Variants in COL14A1 observed in about 807,000 individuals in gnomAD.
COL14A1 encodes collagen alpha-1(XIV) chain.
In COL14A1, 136 loss-of-function variants were observed where a neutral mutation model predicts 230.3. The ratio of observed to expected loss-of-function variants is 0.59; its 90% confidence interval spans 0.51 to 0.68. The LOEUF is 0.68. Ranked by LOEUF, COL14A1 falls within the 30% of genes least tolerant of loss-of-function variation. COL14A1 has a pLI of 0.00. For missense variants in COL14A1, 1,976 were observed against 2,215.8 expected (o/e 0.89, Z 2.17); for synonymous variants, 792 against 784.1 (o/e 1.01, Z -0.17).
At chr8:120,131,857 T>C (rs1220406769) in intron 1 of COL14A1, among the ~76,000 whole-genome samples, 1 of 138,000 alleles carries the variant, frequency 7.2e-6, no homozygotes, top group East Asian at 2.1e-4. Flanking sequence ...TTTTTTTTTT[T>C]TTTTTTTGAG....
intron 2 of COL14A1, among the ~76,000 whole-genome samples, chr8:120,153,681 T>G (rs2130498804): frequency 6.6e-6 from 1 of 152,338 alleles, no homozygotes; most frequent in Non-Finnish European, 1.5e-5. Flanking sequence ...AAATTTTTGG[T>G]TGTGAATAAA....
In COL14A1 at chr8:120,341,348, A is replaced by C. The variant is rs61733752; in HGVS notation, c.4809A>C (p.Glu1603Asp). The C allele has an allele frequency of 6.2e-7, 1 of 1,614,174 alleles. No individual in the cohort carries two copies. The highest frequency in any genetic ancestry group is 1.7e-5 in the Admixed American group (1 of 60,016). The change falls in exon 43 of 48, where the codon GAA (glutamate) becomes GAC (aspartate). Residue 1603 changes from glutamate (E) to aspartate (D), a missense_variant. This residue lies in a region of COL14A1 where 1,791 missense variants were observed against 2,019.5 expected (regional missense o/e 0.89). Transcript: ENST00000297848. ...AGGGTGTCCCTGGAGCAAAGGGGGA[A>C]CGAGGAGAGCGGGTAAGTATCCTGT... ...GPPGVPGAKG[E>D]RGERGDLQSQ...
At chr8:120,296,757 CA>C (rs962052008) in intron 34 of COL14A1, among the ~76,000 whole-genome samples, 3 of 151,900 alleles carry the variant, frequency 2.0e-5, no homozygotes, top group African/African-American at 7.2e-5. Context: ...TTATCACCAA[CA>C]TACATGAGTG....
intron 5 of COL14A1, among the ~76,000 whole-genome samples, chr8:120,191,186 C>CTA (rs1193629015): frequency 1.1e-4 from 15 of 138,786 alleles, no homozygotes; most frequent in Non-Finnish European, 1.2e-4. Context: ...GCATTTAGTG[C>CTA]TATAAATTTC....
At chr8:120,233,998 C>T (rs1337522329) in intron 19 of COL14A1, among the ~76,000 whole-genome samples, 1 of 152,166 alleles carries the variant, frequency 6.6e-6, no homozygotes, top group East Asian at 1.9e-4. Flanking sequence ...TTTCCTTGAG[C>T]AGTGGTTTGA....
At chr8:120,224,596 A>G (rs1818036663) in intron 14 of COL14A1, among the ~76,000 whole-genome samples, 1 of 152,154 alleles carries the variant, frequency 6.6e-6, no homozygotes, top group Admixed American at 6.5e-5. Context: ...GTTGGAAAAT[A>G]TTTTCACCAA....
intron 42 of COL14A1, 81 bp downstream of exon 42, chr8:120,332,816 G>A: frequency 8.7e-7 from 1 of 1,143,974 alleles, no homozygotes; most frequent in Non-Finnish European, 1.3e-6. Flanking sequence ...CAGCCTTTCT[G>A]TTAGTCAGAA....
Position 120,358,757 on chromosome 8 carries a change from A to G in COL14A1, c.5078-8414A>G, listed in dbSNP as rs1461936529. On this transcript the variant is annotated intron_variant, in intron 45 of 47. Coordinates refer to ENST00000297848, the MANE Select transcript of COL14A1 (RefSeq NM_021110.4). ...CCTTGAACATAAGTAAAATGGAAATATAATGTAGTTTATATGATAAAACTA... is the reference window on the plus strand; with the variant it reads ...CCTTGAACATAAGTAAAATGGAAATGTAATGTAGTTTATATGATAAAACTA... Among the ~76,000 whole-genome samples, 4 of 152,168 alleles carry G rather than the reference A, an allele frequency of 2.6e-5. No homozygotes were observed. In the East Asian group the frequency reaches 7.7e-4, roughly 29 times the overall value.
intron 9 of COL14A1, among the ~76,000 whole-genome samples, chr8:120,205,259 C>G (rs1817390551): frequency 6.6e-6 from 1 of 152,090 alleles, no homozygotes; most frequent in Non-Finnish European, 1.5e-5. Flanking sequence ...TTCTAGGTTG[C>G]CAGATACTTT....
At chr8:120,157,857 G>A (rs960305104) in intron 2 of COL14A1, among the ~76,000 whole-genome samples, 1 of 152,030 alleles carries the variant, frequency 6.6e-6, no homozygotes, top group African/African-American at 2.4e-5. Context: ...GTGGTGGCAC[G>A]TGCCTGTAAT....
chr8:120,156,824 G>A (rs1586723734), intron 2 of COL14A1, among the ~76,000 whole-genome samples: 1 of 152,202 alleles, frequency 6.6e-6, no homozygotes, highest in East Asian at 1.9e-4. Flanking sequence ...ACAATAACCT[G>A]CTCAAGGTTA....
rs534127178 is a variant in COL14A1 at position 120,324,424 on chromosome 8, T to C, written c.4660-7717T>C. Reference sequence around the variant, plus strand: ...CCGGATCTGTAGCCTGGGACAGTGTTTACAGAATCTGTGGCTTCTAGTTGC... The same window carrying C: ...CCGGATCTGTAGCCTGGGACAGTGTCTACAGAATCTGTGGCTTCTAGTTGC... On this transcript the variant is annotated intron_variant, in intron 40 of 47. Coordinates refer to ENST00000297848, the MANE Select transcript of COL14A1 (RefSeq NM_021110.4). 9.0e-4 allele frequency among the ~76,000 whole-genome samples: 137 copies of C among 152,294 alleles called. 1 individual carries two copies. The highest frequency in any genetic ancestry group is 3.0e-3 in the African/African-American group (125 of 41,562).
intron 42 of COL14A1, among the ~76,000 whole-genome samples, chr8:120,337,194 C>T (rs955257992): frequency 1.2e-4 from 18 of 151,836 alleles, no homozygotes; most frequent in African/African-American, 3.6e-4. Flanking sequence ...AGTTTGAGAC[C>T]ACCCTGGCCA....
chr8:120,287,076 G>A (rs1224174722), intron 33 of COL14A1, among the ~76,000 whole-genome samples: 3 of 152,142 alleles, frequency 2.0e-5, no homozygotes, highest in Non-Finnish European at 2.9e-5. Context: ...TGAGAGAAGG[G>A]ATGCTGCATA....
intron 1 of COL14A1, among the ~76,000 whole-genome samples, chr8:120,147,487 A>G (rs1394610970): frequency 6.6e-6 from 1 of 152,184 alleles, no homozygotes; most frequent in African/African-American, 2.4e-5. Context: ...GGGATTGATG[A>G]TAATGCTAAT....
chr8:120,178,890 T>C (rs760863709), intron 5 of COL14A1, among the ~76,000 whole-genome samples: 4 of 152,210 alleles, frequency 2.6e-5, no homozygotes, highest in Non-Finnish European at 4.4e-5. Flanking sequence ...CAAAAGTGTC[T>C]GTTTATATCC....
At chr8:120,263,722 T>G (rs1028810310) in intron 24 of COL14A1, among the ~76,000 whole-genome samples, 1 of 152,116 alleles carries the variant, frequency 6.6e-6, no homozygotes, top group African/African-American at 2.4e-5. Context: ...TGTGTCTGAA[T>G]AGGTGTTGGG....
intron 31 of COL14A1, among the ~76,000 whole-genome samples, chr8:120,281,347 A>C (rs1211189824): frequency 6.6e-6 from 1 of 152,018 alleles, no homozygotes; most frequent in Non-Finnish European, 1.5e-5. Context: ...GGATCACTTG[A>C]GGCCAAAAGT....
intron 5 of COL14A1, among the ~76,000 whole-genome samples, chr8:120,181,605 G>A (rs1586743968): frequency 2.0e-5 from 3 of 151,990 alleles, no homozygotes. Flanking sequence ...TCATGAAGAG[G>A]TGATTAGGAA....
Sources: gnomAD v4.1 joint callset for allele counts (sites outside exome capture counted in the v4.1 genomes callset) on GRCh38, gnomAD v4.1.1 for gene constraint, gnomAD v4.1.1 regional missense constraint, MANE v1.5 for transcripts, NCBI Gene and HGNC (gene_info 2026-07-23, HGNC 2026-07-21) for gene names.